DMXL1: variants seen among roughly 807,000 people sequenced by gnomAD.
The protein encoded by DMXL1 is dmX-like protein 1.
DMXL1 carries 99 observed loss-of-function variants against 319.2 expected under a neutral mutation model. The ratio of observed to expected loss-of-function variants is 0.31; its 90% CI spans 0.26 to 0.37. The LOEUF (loss-of-function observed/expected upper bound fraction) is 0.37, where lower values mean the gene tolerates loss of function less well. DMXL1 is among the 10% of genes least tolerant of loss of function. The pLI is 1.00. For missense variants in DMXL1, 3,745 were observed against 3,595.6 expected (o/e 1.04, Z -1.06); for synonymous variants, 1,385 against 1,235.2 (o/e 1.12, Z -2.54).
intron 2 of DMXL1, chr5:119,100,770 C>CTTTTTTTT (rs397999092): frequency 1.6e-4 from 10 of 62,718 alleles, no homozygotes; most frequent in Admixed American, 2.8e-4. Flanking sequence ...CATCTGTTTT[C>CTTTTTTTT]TTTTTTTTTT....
At chr5:119,207,511 C>G (rs1781957825) in intron 34 of DMXL1, among the ~76,000 whole-genome samples, 1 of 152,018 alleles carries the variant, frequency 6.6e-6, no homozygotes, top group South Asian at 2.1e-4. Flanking sequence ...GCATATTCAA[C>G]TATGACTATA....
In DMXL1 at chr5:119,149,377, C is replaced by T. The variant is rs772847263; in HGVS notation, c.3550C>T (p.Pro1184Ser). Reference sequence around the variant, plus strand: ...AACTGGTAAGGAAACCCTGGCATTTCCTCTCTGGGAGAGTACCAAAGTTGT... The same window carrying T: ...AACTGGTAAGGAAACCCTGGCATTTTCTCTCTGGGAGAGTACCAAAGTTGT... ...DQTGKETLAF[P>S]LWESTKVVPL... Residue 1184 changes from proline to serine, a missense_variant, in exon 18 of 44, where the codon CCT becomes TCT. Pro to Ser is a moderately conservative substitution (Grantham distance 74). Around this residue, in one of 4 missense-constraint regions of DMXL1, gnomAD observed 2,096 missense variants for 1,985.4 expected, o/e 1.06. Transcript: ENST00000539542. The T allele has an allele frequency of 6.2e-7, 1 of 1,613,886 alleles. No homozygotes were observed. Among genetic ancestry groups the T allele is most frequent in the Non-Finnish European group, 8.5e-7 (1 of 1,179,876 alleles).
intron 3 of DMXL1, among the ~76,000 whole-genome samples, chr5:119,104,850 A>G (rs1757986740): frequency 6.6e-6 from 1 of 152,222 alleles, no homozygotes; most frequent in African/African-American, 2.4e-5. Flanking sequence ...GGAAATGTCA[A>G]ATAGTAAAGC....
chr5:119,147,055 T>C, intron 16 of DMXL1, 99 bp downstream of exon 16: 1 of 1,370,078 alleles, frequency 7.3e-7, no homozygotes, highest in Non-Finnish European at 1.0e-6. Flanking sequence ...AAAGCCATTC[T>C]CATTAAATGG....
Position 119,220,857 on chromosome 5 carries a change from A to C in DMXL1, c.8136-83A>C, listed in dbSNP as rs983239710. Reference sequence around the variant, plus strand: ...AAGAAAATTAATTTTAAAGGGAACTATAAATTCAAATTTTAGACCTTTCAA... The same window carrying C: ...AAGAAAATTAATTTTAAAGGGAACTCTAAATTCAAATTTTAGACCTTTCAA... On this transcript the variant is annotated intron_variant, in intron 36 of 43. Coordinates refer to ENST00000539542, the MANE Select transcript of DMXL1 (RefSeq NM_001290321.3). 2.7e-6 allele frequency: 4 copies of C among 1,499,206 alleles called. No homozygotes were observed. In the Admixed American group the frequency reaches 8.4e-5, roughly 32 times the overall value. The allele number at this position is 1,499,206 out of a possible 1,614,324, so 92.9% of individuals were successfully genotyped here.
intron 28 of DMXL1, among the ~76,000 whole-genome samples, chr5:119,186,109 C>T (rs1183851960): frequency 2.6e-5 from 4 of 152,272 alleles, no homozygotes; most frequent in Middle Eastern, 6.8e-3. Context: ...TGACTTTTAT[C>T]TTTTCCATAT....
At position 119,171,947 on chromosome 5, in the gene DMXL1, A is replaced by T; in HGVS notation, c.6659A>T (p.His2220Leu). Residue 2220 changes from histidine to leucine, a missense_variant, in exon 25 of 44, where the codon CAC becomes CTC. By Grantham distance (99) the His-to-Leu change is moderately conservative (BLOSUM62 -3). This residue lies in a region of DMXL1 where 1,382 missense variants were observed against 1,269.5 expected (regional missense o/e 1.09). Coordinates refer to ENST00000539542, the MANE Select transcript of DMXL1 (RefSeq NM_001290321.3). ...ATAATAAACTTTGATTCACCACCCC[A>T]CCCTGATATCCAAAGCAATAAAGTA... ...HAIINFDSPP[H>L]PDIQSNKVYV... 2 of 1,612,336 alleles carry T rather than the reference A, an allele frequency of 1.2e-6. No individual in the cohort carries two copies. The highest frequency in any genetic ancestry group is 1.7e-6 in the Non-Finnish European group (2 of 1,179,210).
chr5:119,150,074 A>G lies in DMXL1; in HGVS notation c.4247A>G (p.Asp1416Gly), dbSNP rs775794250. 34 of 1,613,778 alleles carry G rather than the reference A, an allele frequency of 2.1e-5. No homozygotes were observed. The South Asian group carries it at 3.3e-4, about 16-fold the overall frequency. Residue 1416 changes from aspartate (D) to glycine (G), a missense_variant, in exon 18 of 44, where the codon GAT (aspartate) becomes GGT (glycine). Transcript: ENST00000539542. ...TTATATGCCTTACTTGCAGCAGATGATGATAGCTGTTACTCATCTTTGGAG... is the reference window on the plus strand; with the variant it reads ...TTATATGCCTTACTTGCAGCAGATGGTGATAGCTGTTACTCATCTTTGGAG... Reference protein sequence around the residue: ...LPLYALLAADDDSCYSSLEKS... With the variant: ...LPLYALLAADGDSCYSSLEKS...
intron 38 of DMXL1, among the ~76,000 whole-genome samples, chr5:119,230,653 C>T (rs373374928): frequency 2.6e-5 from 4 of 152,078 alleles, no homozygotes; most frequent in South Asian, 2.1e-4. Context: ...GAGGCCAAGG[C>T]GGGCAGATCA....
chr5:119,109,369 T>C (rs1208105822), intron 4 of DMXL1, among the ~76,000 whole-genome samples: 1 of 152,196 alleles, frequency 6.6e-6, no homozygotes, highest in Non-Finnish European at 1.5e-5. Flanking sequence ...ACTGCCCCTC[T>C]TCCAGTTAAG....
At chr5:119,090,720 GCC>G (rs1754605521) in intron 1 of DMXL1, among the ~76,000 whole-genome samples, 1 of 151,638 alleles carries the variant, frequency 6.6e-6, no homozygotes, top group Admixed American at 6.6e-5. Flanking sequence ...CTGCTACCAT[GCC>G]TGGCTAATTT....
intron 1 of DMXL1, among the ~76,000 whole-genome samples, chr5:119,086,144 A>G (rs112317330): frequency 0.033 from 4,977 of 152,268 alleles, 255 homozygotes; most frequent in African/African-American, 0.11. Context: ...TCACATGGCA[A>G]TGGCAAGAGA....
chr5:119,159,586 T>C (rs944223381), intron 19 of DMXL1, among the ~76,000 whole-genome samples: 1 of 152,262 alleles, frequency 6.6e-6, no homozygotes, highest in African/African-American at 2.4e-5. Context: ...GTATCAGTTG[T>C]AGTGTCTCTT....
In DMXL1 at chr5:119,119,022, A is replaced by G. The variant is rs985097366; in HGVS notation, c.933+18A>G. The G allele has an allele frequency of 2.6e-6, 4 of 1,566,638 alleles. No homozygotes were observed. The highest frequency in any genetic ancestry group is 2.4e-5 in the South Asian group (2 of 84,902). On this transcript the variant is annotated intron_variant, in intron 8 of 43. Transcript: ENST00000539542. Reference sequence around the variant, plus strand: ...CTTTAGAAGTGAGTGTTTTTGTTACATTACTTACTACAAGTTTTAAAACCT... The same window carrying G: ...CTTTAGAAGTGAGTGTTTTTGTTACGTTACTTACTACAAGTTTTAAAACCT...
chr5:119,136,308 T>C (rs929828215), intron 13 of DMXL1, among the ~76,000 whole-genome samples: 12 of 152,394 alleles, frequency 7.9e-5, no homozygotes, highest in South Asian at 2.1e-4. Flanking sequence ...TTCAGTTATA[T>C]GTGTTTACAA....
At chr5:119,101,783 T>C in intron 2 of DMXL1, 152 bp from the exon 3 acceptor site, 2 of 611,996 alleles carry the variant, frequency 3.3e-6, no homozygotes, top group Non-Finnish European at 5.9e-6. Flanking sequence ...CTAATGCAGA[T>C]GTGATAGTCT....
chr5:119,118,084 T>C (rs1761237373), intron 7 of DMXL1, among the ~76,000 whole-genome samples: 2 of 152,222 alleles, frequency 1.3e-5, no homozygotes, highest in Admixed American at 1.3e-4. Context: ...GTTGGACTTA[T>C]TAACATATAT....
intron 29 of DMXL1, among the ~76,000 whole-genome samples, chr5:119,193,486 C>T (rs1779063826): frequency 6.6e-6 from 1 of 152,136 alleles, no homozygotes; most frequent in Non-Finnish European, 1.5e-5. Context: ...TTCTTTGTAG[C>T]ACATAATACA....
intron 34 of DMXL1, among the ~76,000 whole-genome samples, chr5:119,214,675 A>AT (rs536719040): frequency 2.4e-4 from 36 of 151,754 alleles, no homozygotes; most frequent in Non-Finnish European, 4.9e-4. Context: ...GAGTATTTGT[A>AT]TTTAAAAAAA....
Sources: allele counts gnomAD v4.1 joint callset (sites outside exome capture counted in the v4.1 genomes callset), GRCh38; gene constraint gnomAD v4.1.1; regional missense constraint gnomAD v4.1.1; transcripts MANE v1.5; gene names NCBI Gene and HGNC (gene_info 2026-07-23, HGNC 2026-07-21).